Variants in RAPGEF5 observed in about 807,000 individuals in gnomAD.
The protein encoded by RAPGEF5 is Rap guanine nucleotide exchange factor 5, also known as M-Ras-regulated GEF.
RAPGEF5 carries 65 observed loss-of-function variants against 125.2 expected under a neutral mutation model. The observed-to-expected ratio is 0.52, with a 90% CI of 0.43 to 0.64. The LOEUF is 0.64. RAPGEF5 is among the 30% of genes least tolerant of loss of function. The pLI is 0.00. For synonymous variants in RAPGEF5, 391 were observed against 385.9 expected (o/e 1.01, Z -0.16); for missense variants, 958 against 1,048.1 (o/e 0.91, Z 1.19).
rs1194529602 is a variant in RAPGEF5 at position 22,119,848 on chromosome 7, C to T, written c.*2558G>A. On this transcript the variant is annotated 3_prime_UTR_variant, in exon 26 of 26. Coordinates refer to ENST00000665637, the MANE Select transcript of RAPGEF5 (RefSeq NM_012294.5). The surrounding 1 kb of genome is among the most constrained non-coding windows in gnomAD (Gnocchi z 4.1). ...TTCTGAAGAGGCCTTGGTGAATATC[C>T]AGAGAGGGTGCATGGCCCATCCTAT... is the stretch of plus-strand genomic sequence containing the variant. 6.6e-6 allele frequency: 1 copy of T among 152,196 alleles called. No homozygotes were observed. The highest frequency in any genetic ancestry group is 1.9e-4 in the East Asian group (1 of 5,200). 9.4% of individuals were successfully genotyped at this position (152,196 alleles called of 1,614,324 possible).
Position 22,150,471 on chromosome 7 carries a change from A to G in RAPGEF5, c.1820T>C (p.Ile607Thr). 1 of 1,602,206 alleles carries G rather than the reference A, an allele frequency of 6.2e-7. No individual in the cohort carries two copies. The highest frequency in any genetic ancestry group is 8.5e-7 in the Non-Finnish European group (1 of 1,174,522). The change falls in exon 18 of 26, where the codon ATC becomes ACC. Residue 607 changes from isoleucine (I) to threonine (T), a missense_variant. Ile to Thr is a moderately conservative substitution (Grantham distance 89). Transcript: ENST00000665637. ...ACCAGATGCCTCGAGGGATTTGGAGATGACTAAGTCATTTGGCTGAAGTTC... is the reference window on the plus strand; with the variant it reads ...ACCAGATGCCTCGAGGGATTTGGAGGTGACTAAGTCATTTGGCTGAAGTTC... ...KHELQPNDLV[I>T]SKSLEASGRI... is the part of the protein sequence containing the mutation.
At chr7:22,230,165 G>T (rs1024050342) in intron 8 of RAPGEF5, among the ~76,000 whole-genome samples, 8 of 152,194 alleles carry the variant, frequency 5.3e-5, no homozygotes, top group Non-Finnish European at 1.2e-4. Flanking sequence ...TCCCTGCACA[G>T]GTTTGCTTGG....
chr7:22,172,232 C>T (rs1481806198), intron 11 of RAPGEF5, among the ~76,000 whole-genome samples: 3 of 152,040 alleles, frequency 2.0e-5, no homozygotes, highest in Admixed American at 1.3e-4. Flanking sequence ...AAGCTATTCT[C>T]CTGCCTCAGC....
At chr7:22,206,045 A>T (rs10807810) in intron 9 of RAPGEF5, among the ~76,000 whole-genome samples, 100,940 of 152,060 alleles carry the variant, frequency 0.66, 33,593 homozygotes, top group South Asian at 0.73. Context: ...TCCTTTATAA[A>T]ATGGTGACAT....
intron 1 of RAPGEF5, among the ~76,000 whole-genome samples, chr7:22,352,636 C>G (rs1784351246): frequency 6.6e-6 from 1 of 152,100 alleles, no homozygotes; most frequent in Non-Finnish European, 1.5e-5. Flanking sequence ...CATTAAGATT[C>G]ATAAGTTCTT....
chr7:22,266,777 A>G (rs1405932312), intron 7 of RAPGEF5, among the ~76,000 whole-genome samples, 187 bp downstream of exon 7: 1 of 152,224 alleles, frequency 6.6e-6, no homozygotes, highest in East Asian at 1.9e-4. Flanking sequence ...TTTATCTTAA[A>G]GAACTACATA....
chr7:22,191,344 T>G (rs1784990731), intron 11 of RAPGEF5: 2 of 324,520 alleles, frequency 6.2e-6, no homozygotes, highest in Non-Finnish European at 1.2e-5. Context: ...TAGGCATCTC[T>G]TTTATATACA....
chr7:22,274,267 C>A (rs777147638), intron 6 of RAPGEF5, among the ~76,000 whole-genome samples: 1 of 152,194 alleles, frequency 6.6e-6, no homozygotes, highest in Non-Finnish European at 1.5e-5. Flanking sequence ...TCCCCATAGC[C>A]ATCTACCTTC....
At chr7:22,203,844 C>T (rs1327259848) in intron 9 of RAPGEF5, among the ~76,000 whole-genome samples, 1 of 152,130 alleles carries the variant, frequency 6.6e-6, no homozygotes, top group Non-Finnish European at 1.5e-5. Context: ...CACACATGAC[C>T]TGACAGAGGC....
intron 1 of RAPGEF5, among the ~76,000 whole-genome samples, chr7:22,347,829 T>C (rs1469781992): frequency 6.6e-5 from 10 of 152,246 alleles, no homozygotes; most frequent in Admixed American, 5.2e-4. Flanking sequence ...CAACCTGATA[T>C]GATAAATGTT....
chr7:22,208,440 A>C (rs1785442469), intron 9 of RAPGEF5, among the ~76,000 whole-genome samples: 1 of 152,162 alleles, frequency 6.6e-6, no homozygotes, highest in South Asian at 2.1e-4. Context: ...AGTTCAAATG[A>C]AGGAATCTGA....
At chr7:22,231,253 A>G (rs1367347806) in intron 7 of RAPGEF5, among the ~76,000 whole-genome samples, 2 of 152,194 alleles carry the variant, frequency 1.3e-5, no homozygotes, top group African/African-American at 4.8e-5. Context: ...TTCATTTCAT[A>G]TAAGAACAGC....
intron 25 of RAPGEF5, among the ~76,000 whole-genome samples, chr7:22,124,297 T>A (rs1008461575): frequency 6.6e-6 from 1 of 152,238 alleles, no homozygotes; most frequent in Non-Finnish European, 1.5e-5. Context: ...TATGAAGCTG[T>A]ACTCATCAGC....
At chr7:22,293,481 G>A (rs745412059) in intron 5 of RAPGEF5, among the ~76,000 whole-genome samples, 7 of 151,748 alleles carry the variant, frequency 4.6e-5, no homozygotes, top group African/African-American at 1.5e-4. Flanking sequence ...TCTCATCTTC[G>A]CTTGAACAAA....
rs762077371 is a variant in RAPGEF5 at position 22,136,078 on chromosome 7, C to T, written c.2376G>A (p.Met792Ile). ...GCATGAAAGGGATTTTTGGTGGCTT[C>T]ATCTTTTTGAATGCATCTCTGTAGG... ...HKAYRDAFKK[M>I]KPPKIPFMPL... Residue 792 changes from methionine to isoleucine, a missense_variant, in exon 23 of 26, where the codon ATG becomes ATA. Physicochemically the swap from Met to Ile is conservative, Grantham distance 10. Coordinates refer to ENST00000665637, the MANE Select transcript of RAPGEF5 (RefSeq NM_012294.5). 1.9e-6 allele frequency: 3 copies of T among 1,612,598 alleles called. No homozygotes were observed.
chr7:22,346,374 C>T (rs1036584281), intron 1 of RAPGEF5, among the ~76,000 whole-genome samples: 1 of 152,126 alleles, frequency 6.6e-6, no homozygotes, highest in African/African-American at 2.4e-5. Flanking sequence ...TTATTATATC[C>T]TCTTCTCAAC....
chr7:22,329,591 T>G (rs1019174943), intron 1 of RAPGEF5, among the ~76,000 whole-genome samples: 1 of 152,118 alleles, frequency 6.6e-6, no homozygotes, highest in Non-Finnish European at 1.5e-5. Flanking sequence ...TAAGTAAAAG[T>G]AAAGAGACAG....
At chr7:22,356,025 G>T (rs1015743099) in intron 1 of RAPGEF5, 13 of 985,342 alleles carry the variant, frequency 1.3e-5, no homozygotes, top group Non-Finnish European at 1.6e-5. Context: ...GAGTAAGTCA[G>T]CTCTGTGTCC....
At chr7:22,252,404 T>G in intron 7 of RAPGEF5, among the ~76,000 whole-genome samples, 1 of 152,338 alleles carries the variant, frequency 6.6e-6, no homozygotes, top group South Asian at 2.1e-4. Flanking sequence ...CCAAGTATTT[T>G]TGAAAACCAA....
Sources: allele counts gnomAD v4.1 joint callset (sites outside exome capture counted in the v4.1 genomes callset), GRCh38; gene constraint gnomAD v4.1.1; non-coding constraint Gnocchi (gnomAD v3.1); transcripts MANE v1.5; gene names NCBI Gene and HGNC (gene_info 2026-07-23, HGNC 2026-07-21).